Variants in PTER observed in about 807,000 individuals in gnomAD.
The protein encoded by PTER is phosphotriesterase related.
In PTER, 38 loss-of-function variants were observed where a neutral mutation model predicts 29.6. The ratio of observed to expected loss-of-function variants is 1.28; its 90% CI spans 0.99 to 1.68. The LOEUF is 1.68. Among genes scored for constraint, PTER ranks in the 40% most tolerant of loss-of-function variants. PTER has a pLI of 0.00. For missense variants in PTER, 482 were observed against 427.8 expected (o/e 1.13, Z -1.12); for synonymous variants, 172 against 154.5 (o/e 1.11, Z -0.84).
In PTER at chr10:16,459,881, G is replaced by A. The variant is rs906180818; in HGVS notation, c.-49+22834G>A. Among the ~76,000 whole-genome samples, 5 of 152,260 alleles carry A rather than the reference G, an allele frequency of 3.3e-5. No individual in the cohort carries two copies. In the East Asian group the frequency reaches 7.7e-4, roughly 24 times the overall value. ...TCCTGCCTCAGCCTCCTGAGTGGCTGGGATTACAGGCATGCGCCACCATGC... is the reference window on the plus strand; with the variant it reads ...TCCTGCCTCAGCCTCCTGAGTGGCTAGGATTACAGGCATGCGCCACCATGC... On this transcript the variant is annotated intron_variant, in intron 1 of 4. Coordinates refer to ENST00000535784, the MANE Select transcript of PTER (RefSeq NM_001261836.2).
chr10:16,450,161 A>C (rs1834154579), intron 1 of PTER, among the ~76,000 whole-genome samples: 1 of 152,100 alleles, frequency 6.6e-6, no homozygotes, highest in Non-Finnish European at 1.5e-5. Context: ...GCACCCCCTC[A>C]TGGGTCATAC....
chr10:16,511,101 A>G lies in PTER; in HGVS notation c.895A>G (p.Ile299Val). The change falls in exon 5 of 5, where the codon ATA (isoleucine) becomes GTA (valine). Residue 299 changes from isoleucine to valine, a missense_variant. By Grantham distance (29) the Ile-to-Val change is conservative. Transcript: ENST00000535784. ...CEDRILVAHD[I>V]HTKTRLMKYG... ...AGATCGAATTCTGGTAGCACATGAC[A>G]TACATACGAAAACCCGGCTGATGAA... is the stretch of plus-strand genomic sequence containing the variant. The G allele has an allele frequency of 1.9e-6, 3 of 1,614,128 alleles. No individual in the cohort carries two copies. Among genetic ancestry groups the G allele is most frequent in the East Asian group, 4.5e-5 (2 of 44,880 alleles).
chr10:16,438,666 A>G (rs1203385466), intron 1 of PTER, among the ~76,000 whole-genome samples: 2 of 150,268 alleles, frequency 1.3e-5, no homozygotes, highest in South Asian at 2.1e-4. Flanking sequence ...GGTGGCTCAC[A>G]CCTGTAATCC....
In PTER at chr10:16,505,122, A is replaced by G; in HGVS notation, c.801A>G (p.Pro267=). ...GTELLHYQLG[P]DIDMPDDNKR... is the part of the protein sequence containing the mutation. ...AACTACTTCATTACCAACTCGGCCC[A>G]GATATTGACATGCCTGATGATAACA... The change falls in exon 4 of 5, where the codon CCA becomes CCG. Residue 267 remains proline, a synonymous_variant. Coordinates refer to ENST00000535784, the MANE Select transcript of PTER (RefSeq NM_001261836.2). 2 of 1,614,026 alleles carry G rather than the reference A, an allele frequency of 1.2e-6. No individual in the cohort carries two copies. The highest frequency in any genetic ancestry group is 1.7e-6 in the Non-Finnish European group (2 of 1,179,928).
chr10:16,501,607 T>C (rs968155940), intron 3 of PTER, among the ~76,000 whole-genome samples: 1 of 152,184 alleles, frequency 6.6e-6, no homozygotes, highest in Non-Finnish European at 1.5e-5. Context: ...TGATGGTAAA[T>C]TCTCCATTTT....
intron 1 of PTER, among the ~76,000 whole-genome samples, chr10:16,446,836 G>A (rs572800879): frequency 2.6e-5 from 4 of 151,660 alleles, no homozygotes; most frequent in South Asian, 2.1e-4. Flanking sequence ...TTGACTCGGC[G>A]AGAGTGCATT....
At position 16,444,724 on chromosome 10, in the gene PTER, G is replaced by A. The variant is rs149655378; in HGVS notation, c.-49+7677G>A. Among the ~76,000 whole-genome samples the A allele has an allele frequency of 3.7e-4, 57 of 152,204 alleles. 1 individual carries two copies. The highest frequency in any genetic ancestry group is 1.3e-3 in the African/African-American group (55 of 41,534). On this transcript the variant is annotated intron_variant, in intron 1 of 4. Coordinates refer to ENST00000535784, the MANE Select transcript of PTER (RefSeq NM_001261836.2). ...GCTCTTATATTCAAAGAAATATTGG[G>A]GAATGTGAAGGCACAGAAGGCCTCA...
intron 3 of PTER, among the ~76,000 whole-genome samples, chr10:16,499,758 A>C (rs554503351): frequency 1.3e-5 from 2 of 150,080 alleles, no homozygotes; most frequent in African/African-American, 4.9e-5. Context: ...TCATTTCTTA[A>C]TTGCCTTCAC....
intron 3 of PTER, among the ~76,000 whole-genome samples, chr10:16,487,591 G>T (rs966862854): frequency 6.6e-6 from 1 of 152,148 alleles, no homozygotes; most frequent in Non-Finnish European, 1.5e-5. Context: ...GACCTATCTT[G>T]TTGGGGTTCA....
intron 1 of PTER, among the ~76,000 whole-genome samples, chr10:16,464,021 T>G (rs1348803383): frequency 6.6e-6 from 1 of 152,204 alleles, no homozygotes; most frequent in Non-Finnish European, 1.5e-5. Flanking sequence ...CACCTTCTGT[T>G]GATCCCTTGC....
intron 4 of PTER, among the ~76,000 whole-genome samples, chr10:16,507,862 G>A (rs1028724464): frequency 3.3e-5 from 5 of 152,144 alleles, no homozygotes; most frequent in African/African-American, 9.6e-5. Flanking sequence ...ACTTGCCCAG[G>A]AACCCGATTC....
At chr10:16,498,522 G>T (rs1836202664) in intron 3 of PTER, among the ~76,000 whole-genome samples, 1 of 152,188 alleles carries the variant, frequency 6.6e-6, no homozygotes, top group Non-Finnish European at 1.5e-5. Flanking sequence ...GATGAAAGCT[G>T]CAGTGAGCCA....
chr10:16,480,449 A>C (rs960048402), intron 1 of PTER, among the ~76,000 whole-genome samples: 1 of 151,870 alleles, frequency 6.6e-6, no homozygotes, highest in Non-Finnish European at 1.5e-5. Context: ...GCCTGCCTCA[A>C]CCTCCCAAAG....
In PTER at chr10:16,439,720, A is replaced by C. The variant is rs1395571604; in HGVS notation, c.-49+2673A>C. ...TCCTTAAATATCTTCTTTTTAAAATATTTATTAGTTTATTTATTTTTGTAG... is the reference window on the plus strand; with the variant it reads ...TCCTTAAATATCTTCTTTTTAAAATCTTTATTAGTTTATTTATTTTTGTAG... On this transcript the variant is annotated intron_variant, in intron 1 of 4. Transcript: ENST00000535784. Among the ~76,000 whole-genome samples, 6 of 152,148 alleles carry C rather than the reference A, an allele frequency of 3.9e-5. No homozygotes were observed. In the South Asian group the frequency reaches 8.3e-4, roughly 21 times the overall value.
chr10:16,449,431 T>TTC (rs1554786289), intron 1 of PTER, among the ~76,000 whole-genome samples: 4 of 141,346 alleles, frequency 2.8e-5, no homozygotes, highest in East Asian at 4.1e-4. Context: ...TAATTTTCTT[T>TTC]TTTTTTTTTT....
Position 16,477,555 on chromosome 10 carries a change from C to T in PTER, c.-48-6782C>T, listed in dbSNP as rs562592766. Among the ~76,000 whole-genome samples the T allele has an allele frequency of 9.2e-5, 14 of 152,204 alleles. No individual in the cohort carries two copies. In the South Asian group the frequency reaches 2.9e-3, roughly 32 times the overall value. ...GTGATCTATAGGTGGTCAGTAATAT[C>T]CATTTCAAGCTAAAGGAATCACTGA... is the stretch of plus-strand genomic sequence containing the variant. On this transcript the variant is annotated intron_variant, in intron 1 of 4. Transcript: ENST00000535784.
chr10:16,516,148 T>G (rs1019340897), downstream of PTER, among the ~76,000 whole-genome samples: 2 of 152,184 alleles, frequency 1.3e-5, no homozygotes, highest in African/African-American at 4.8e-5. Flanking sequence ...GAAAATGGCT[T>G]AAAGGATTTA....
chr10:16,484,609 G>C lies in PTER; in HGVS notation c.225G>C (p.Gln75His), dbSNP rs761655279. The change falls in exon 2 of 5, where the codon CAG becomes CAC. Residue 75 changes from glutamine to histidine, a missense_variant. By Grantham distance (24) the Gln-to-His change is conservative. Transcript: ENST00000535784. ...ATAAAGAAAACCTTCAATTAAATCA[G>C]GAGACAGAAGCCATAAAGGAAGAAC... ...YSHKENLQLN[Q>H]ETEAIKEELL... is the part of the protein sequence containing the mutation. The C allele has an allele frequency of 3.1e-6, 5 of 1,613,970 alleles. No individual in the cohort carries two copies. Among genetic ancestry groups the C allele is most frequent in the Non-Finnish European group, 4.2e-6 (5 of 1,180,012 alleles).
At chr10:16,463,844 A>G (rs889501061) in intron 1 of PTER, among the ~76,000 whole-genome samples, 3 of 152,166 alleles carry the variant, frequency 2.0e-5, no homozygotes, top group African/African-American at 7.2e-5. Flanking sequence ...TGCTTAAGGA[A>G]CCTATAGCAG....
Sources: allele counts gnomAD v4.1 joint callset (sites outside exome capture counted in the v4.1 genomes callset), GRCh38; gene constraint gnomAD v4.1.1; transcripts MANE v1.5; gene names NCBI Gene and HGNC (gene_info 2026-07-23, HGNC 2026-07-21).